Variants in CAST observed in about 807,000 individuals in gnomAD.
CAST encodes the protein calpastatin.
Under a neutral mutation model 119.6 loss-of-function variants are expected in CAST, and 76 were observed. The observed-to-expected ratio is 0.64, with a 90% CI of 0.53 to 0.77. The LOEUF is 0.77. CAST is among the 30% of genes least tolerant of loss of function. The pLI, the probability that CAST is intolerant of heterozygous loss-of-function variation, is 0.00. For synonymous variants in CAST, 319 were observed against 331.6 expected, an observed-to-expected ratio of 0.96 and a Z score of 0.41; for missense variants, 953 against 946.5, an observed-to-expected ratio of 1.01 and a Z score of -0.09.
In CAST at chr5:96,691,441, T is replaced by C. The variant is rs192860039; in HGVS notation, c.139-4395T>C. On this transcript the variant is annotated intron_variant, in intron 2 of 31. Transcript: ENST00000675179. ...TACATTTTTCTATCCCATAAAAGGT[T>C]ATTATTTTTTATAATTGTATACATA... 2.0e-4 allele frequency among the ~76,000 whole-genome samples: 31 copies of C among 152,346 alleles called. No individual in the cohort carries two copies. The East Asian group carries it at 5.8e-3, about 28-fold the overall frequency.
the CAST span, among the ~76,000 whole-genome samples, chr5:96,307,395 C>T: frequency 6.6e-6 from 1 of 152,196 alleles, no homozygotes; most frequent in Admixed American, 6.5e-5. Flanking sequence ...TGGGTCTTGA[C>T]TCTTCAACAA....
chr5:96,547,551 AT>A (rs1470695223), intron 1 of CAST, among the ~76,000 whole-genome samples: 1 of 152,204 alleles, frequency 6.6e-6, no homozygotes, highest in Non-Finnish European at 1.5e-5. Flanking sequence ...TACTCATTTT[AT>A]TGATTCAAAT....
the CAST span, among the ~76,000 whole-genome samples, chr5:96,121,591 TG>T: frequency 6.6e-6 from 1 of 152,302 alleles, no homozygotes; most frequent in East Asian, 1.9e-4. Context: ...GCTCTGAAGT[TG>T]AATCAAGCCA....
At chr5:96,738,118 T>G (rs895705968) in intron 11 of CAST, among the ~76,000 whole-genome samples, 171 bp downstream of exon 11, 12 of 152,078 alleles carry the variant, frequency 7.9e-5, no homozygotes, top group African/African-American at 2.9e-4. Flanking sequence ...AGTCAGGCAT[T>G]CAAGACCAGC....
chr5:96,765,173 ATAC>A (rs1177001143), intron 25 of CAST, 45 bp from the exon 26 acceptor site: 1 of 1,092,262 alleles, frequency 9.2e-7, no homozygotes, highest in Non-Finnish European at 1.4e-6. Context: ...TTTGCCTCTG[ATAC>A]AGTTTGGCTA....
chr5:96,434,637 T>C, the CAST span, among the ~76,000 whole-genome samples: 3 of 151,716 alleles, frequency 2.0e-5, no homozygotes, highest in Non-Finnish European at 4.4e-5. Context: ...TGTTGTTGTT[T>C]TTTAAAGCTC....
At chr5:96,321,204 C>T in the CAST span, among the ~76,000 whole-genome samples, 3 of 152,136 alleles carry the variant, frequency 2.0e-5, no homozygotes, top group Non-Finnish European at 4.4e-5. Context: ...CTGTCCTGTG[C>T]GTTATAGGAT....
chr5:96,565,920 G>A (rs1023911797), intron 1 of CAST, among the ~76,000 whole-genome samples: 1 of 152,070 alleles, frequency 6.6e-6, no homozygotes, highest in Non-Finnish European at 1.5e-5. Context: ...CTTTATTATC[G>A]TGACCCAGAT....
intron 1 of CAST, among the ~76,000 whole-genome samples, chr5:96,538,825 C>T (rs1745864722): frequency 6.6e-6 from 1 of 151,914 alleles, no homozygotes; most frequent in Non-Finnish European, 1.5e-5. Flanking sequence ...TATCAAGTTA[C>T]TCTAATTTGC....
chr5:96,309,875 A>G, the CAST span, among the ~76,000 whole-genome samples: 5 of 152,356 alleles, frequency 3.3e-5, no homozygotes, highest in Middle Eastern at 3.4e-3. Context: ...GCTGGGAGCT[A>G]CAGACCGGAG....
chr5:96,714,189 C>A (rs1269060601), intron 3 of CAST, among the ~76,000 whole-genome samples: 1 of 152,112 alleles, frequency 6.6e-6, no homozygotes, highest in African/African-American at 2.4e-5. Flanking sequence ...TTTTTATATA[C>A]ATTAAATGAA....
At chr5:96,702,735 G>C in intron 3 of CAST, 1 of 981,848 alleles carries the variant, frequency 1.0e-6, no homozygotes, top group Non-Finnish European at 1.2e-6. Flanking sequence ...CTCCCGGGGC[G>C]GGGCCGCCGG....
intron 3 of CAST, 131 bp downstream of exon 3, chr5:96,696,038 G>C: frequency 2.1e-6 from 1 of 473,612 alleles, no homozygotes; most frequent in Non-Finnish European, 3.9e-6. Flanking sequence ...TATCATTTCT[G>C]TGCTAGAAGA....
At chr5:96,234,425 G>T in the CAST span, among the ~76,000 whole-genome samples, 41 of 152,134 alleles carry the variant, frequency 2.7e-4, no homozygotes, top group African/African-American at 9.9e-4. Flanking sequence ...ATTGTCATTT[G>T]GTAATTGCAG....
chr5:96,431,438 A>G, the CAST span, among the ~76,000 whole-genome samples: 1 of 152,220 alleles, frequency 6.6e-6, no homozygotes, highest in African/African-American at 2.4e-5. Flanking sequence ...GACTTCAAGT[A>G]CAACTTCTAT....
At chr5:96,010,563 C>T in the CAST span, among the ~76,000 whole-genome samples, 34 of 152,260 alleles carry the variant, frequency 2.2e-4, no homozygotes, top group African/African-American at 7.5e-4. Context: ...CTGCCTGCTC[C>T]GGCCTCCCAA....
the CAST span, among the ~76,000 whole-genome samples, chr5:96,355,444 T>C: frequency 5.3e-5 from 8 of 152,232 alleles, no homozygotes; most frequent in South Asian, 2.1e-4. Context: ...GGCATTTGGG[T>C]TGGTTCCCAG....
At chr5:96,466,485 C>T in the CAST span, among the ~76,000 whole-genome samples, 2 of 152,052 alleles carry the variant, frequency 1.3e-5, no homozygotes, top group Non-Finnish European at 2.9e-5. Flanking sequence ...GCCTCGGTCC[C>T]TCGTGCTTGC....
chr5:96,149,252 C>T, the CAST span, among the ~76,000 whole-genome samples: 1 of 152,208 alleles, frequency 6.6e-6, no homozygotes, highest in African/African-American at 2.4e-5. Context: ...AACTCCTTCC[C>T]ATTCCTCCTG....
Sources: allele counts gnomAD v4.1 joint callset (sites outside exome capture counted in the v4.1 genomes callset), GRCh38; gene constraint gnomAD v4.1.1; transcripts MANE v1.5; gene names NCBI Gene and HGNC (gene_info 2026-07-23, HGNC 2026-07-21).